Variants in GNA12 observed in about 807,000 individuals in gnomAD.
GNA12 encodes G protein subunit alpha 12.
GNA12 carries 9 observed loss-of-function variants against 26.0 expected under a neutral mutation model. The observed-to-expected ratio is 0.35, with a 90% confidence interval of 0.21 to 0.60. The LOEUF is 0.60. GNA12 is among the 20% of genes least tolerant of loss of function. The pLI is 0.78. For synonymous variants in GNA12, 264 were observed against 219.6 expected, an observed-to-expected ratio of 1.20 and a Z score of -1.79; for missense variants, 405 against 525.8, an observed-to-expected ratio of 0.77 and a Z score of 2.25.
At chr7:2,806,494 A>G (rs1309357847) in intron 1 of GNA12, among the ~76,000 whole-genome samples, 8 of 151,704 alleles carry the variant, frequency 5.3e-5, no homozygotes, top group Non-Finnish European at 7.4e-5. Flanking sequence ...AGAAAAAAGA[A>G]GAAAGAACTT....
In GNA12 at chr7:2,843,905, T is replaced by C; in HGVS notation, c.257A>G (p.Asp86Gly). The change falls in exon 1 of 4, where the codon GAC (aspartate) becomes GGC (glycine). Residue 86 changes from aspartate to glycine, a missense_variant. Asp to Gly is a moderately conservative substitution (Grantham distance 94, BLOSUM62 -1). Coordinates refer to ENST00000275364, the MANE Select transcript of GNA12 (RefSeq NM_007353.3). ...GCGGAACTCCAGCAGCGCCTTCTGGTCGAACTCGCGGCCGTGGATGATGCG... is the reference window on the plus strand; with the variant it reads ...GCGGAACTCCAGCAGCGCCTTCTGGCCGAACTCGCGGCCGTGGATGATGCG... ...QMRIIHGREF[D>G]QKALLEFRDT... The C allele has an allele frequency of 6.3e-7, 1 of 1,578,436 alleles. No homozygotes were observed. The highest frequency in any genetic ancestry group is 2.4e-5 in the East Asian group (1 of 41,690).
chr7:2,823,947 A>G (rs149340400), intron 1 of GNA12, among the ~76,000 whole-genome samples: 2 of 152,326 alleles, frequency 1.3e-5, no homozygotes, highest in East Asian at 3.9e-4. Flanking sequence ...AACGCTCATT[A>G]CATGTTAGTG....
chr7:2,835,133 G>C (rs1778798354), intron 1 of GNA12, among the ~76,000 whole-genome samples: 1 of 152,192 alleles, frequency 6.6e-6, no homozygotes, highest in African/African-American at 2.4e-5. Flanking sequence ...AACTGGATGT[G>C]AAATTTAGTA....
At chr7:2,821,583 A>G (rs934144043) in intron 1 of GNA12, among the ~76,000 whole-genome samples, 3 of 152,180 alleles carry the variant, frequency 2.0e-5, no homozygotes, top group Non-Finnish European at 4.4e-5. Context: ...AAGCAAAACA[A>G]TTCACCCCAA....
chr7:2,785,335 AT>A (rs1383129853), intron 2 of GNA12, among the ~76,000 whole-genome samples: 1 of 152,168 alleles, frequency 6.6e-6, no homozygotes, highest in Non-Finnish European at 1.5e-5. Context: ...CGTCAGGCAA[AT>A]TTCTTCAAGT....
At chr7:2,806,457 C>CAAAAAAAAA (rs34036056) in intron 1 of GNA12, among the ~76,000 whole-genome samples, 23 of 80,686 alleles carry the variant, frequency 2.9e-4, no homozygotes, top group African/African-American at 5.5e-4. Context: ...GACTCTGTCT[C>CAAAAAAAAA]AAAAAAAAAA....
intron 1 of GNA12, among the ~76,000 whole-genome samples, chr7:2,829,950 A>G (rs1793565080): frequency 6.6e-6 from 1 of 152,160 alleles, no homozygotes; most frequent in Non-Finnish European, 1.5e-5. Flanking sequence ...GTCTGGGGCT[A>G]GTGGATTTTC....
At chr7:2,744,299 C>A (rs1273953360) in intron 2 of GNA12, among the ~76,000 whole-genome samples, 1 of 152,184 alleles carries the variant, frequency 6.6e-6, no homozygotes, top group South Asian at 2.1e-4. Context: ...CTCACACGGC[C>A]GGGTACTCCT....
intron 1 of GNA12, chr7:2,815,154 G>A: frequency 1.6e-6 from 1 of 625,510 alleles, no homozygotes; most frequent in Non-Finnish European, 2.6e-6. Context: ...AATACAAAAA[G>A]CAAGTGGACA....
chr7:2,744,501 C>T (rs1016703005), intron 2 of GNA12, among the ~76,000 whole-genome samples: 7 of 152,156 alleles, frequency 4.6e-5, no homozygotes, highest in African/African-American at 1.7e-4. Flanking sequence ...AGGACATCCA[C>T]ACCAAAAACC....
At chr7:2,794,416 T>C (rs1792599490) in intron 2 of GNA12, among the ~76,000 whole-genome samples, 2 of 152,230 alleles carry the variant, frequency 1.3e-5, no homozygotes, top group Admixed American at 1.3e-4. Flanking sequence ...CCAGATTTTC[T>C]GGTTATAGAT....
At chr7:2,783,231 C>T (rs974836245) in intron 2 of GNA12, among the ~76,000 whole-genome samples, 2 of 152,146 alleles carry the variant, frequency 1.3e-5, no homozygotes, top group African/African-American at 4.8e-5. Flanking sequence ...AAGTGTCTTT[C>T]CAGAGAAAGT....
chr7:2,733,541 G>A (rs753580852), intron 2 of GNA12, 40 bp from the exon 3 acceptor site: 5 of 1,517,956 alleles, frequency 3.3e-6, no homozygotes, highest in Non-Finnish European at 4.6e-6. Flanking sequence ...AGTCTGGACT[G>A]AGGAATCCTG....
chr7:2,733,321 C>T (rs138228713), intron 3 of GNA12, 130 bp downstream of exon 3: 7 of 740,926 alleles, frequency 9.4e-6, no homozygotes, highest in East Asian at 2.7e-5. Context: ...CAGTACTATT[C>T]GTGGTAATGT....
intron 1 of GNA12, among the ~76,000 whole-genome samples, chr7:2,796,127 G>A (rs903342745): frequency 1.3e-5 from 2 of 151,702 alleles, no homozygotes; most frequent in South Asian, 2.1e-4. Context: ...CAGCCTCCCC[G>A]CCAAAAAAAC....
chr7:2,840,216 T>C (rs777833268), intron 1 of GNA12, among the ~76,000 whole-genome samples: 4 of 152,314 alleles, frequency 2.6e-5, no homozygotes, highest in Non-Finnish European at 1.5e-5. Context: ...CTCTACTATT[T>C]CTTACAACTG....
intron 2 of GNA12, among the ~76,000 whole-genome samples, chr7:2,733,819 G>T (rs1019186784): frequency 2.6e-5 from 4 of 152,212 alleles, no homozygotes; most frequent in African/African-American, 9.6e-5. Flanking sequence ...ATGAAGGCTG[G>T]CCCACTCCTG....
At chr7:2,745,113 A>G (rs1044205528) in intron 2 of GNA12, among the ~76,000 whole-genome samples, 2 of 152,218 alleles carry the variant, frequency 1.3e-5, no homozygotes, top group East Asian at 1.9e-4. Context: ...TTATCCAGGA[A>G]AACTTCCCCA....
At position 2,731,208 on chromosome 7, in the gene GNA12, C is replaced by T. The variant is rs762806711; in HGVS notation, c.1119G>A (p.Glu373=). 1.9e-6 allele frequency: 3 copies of T among 1,612,068 alleles called. No homozygotes were observed. Among genetic ancestry groups the T allele is most frequent in the Admixed American group, 1.7e-5 (1 of 59,936 alleles). ...FHAVKDTILQ[E]NLKDIMLQ ...ACTGCAGCATGATGTCCTTCAGGTT[C>T]TCCTGCAGGATGGTGTCTTTCACAG... is the stretch of plus-strand genomic sequence containing the variant. The change falls in exon 4 of 4, where the codon GAG becomes GAA. Residue 373 remains glutamate (E), a synonymous_variant. Coordinates refer to ENST00000275364, the MANE Select transcript of GNA12 (RefSeq NM_007353.3). This position sits in a 1 kb window ranked among gnomAD's most constrained non-coding sequence, Gnocchi z 6.0.
Sources: gnomAD v4.1 joint callset for allele counts (sites outside exome capture counted in the v4.1 genomes callset) on GRCh38, gnomAD v4.1.1 for gene constraint, Gnocchi (gnomAD v3.1) non-coding constraint, MANE v1.5 for transcripts, NCBI Gene and HGNC (gene_info 2026-07-23, HGNC 2026-07-21) for gene names.